Variants in BCAS3 observed in about 807,000 individuals in gnomAD.
BCAS3 encodes the protein BCAS4/BCAS3 fusion.
Under a neutral mutation model 116.1 loss-of-function variants are expected in BCAS3, and 53 were observed. The observed-to-expected ratio is 0.46, with a 90% CI of 0.37 to 0.57. The LOEUF (loss-of-function observed/expected upper bound fraction) is 0.57. BCAS3 is among the 20% of genes least tolerant of loss of function. The pLI is 0.00. For missense variants in BCAS3, 917 were observed against 1,165.4 expected, an observed-to-expected ratio of 0.79 and a Z score of 3.10; for synonymous variants, 391 against 408.2, an observed-to-expected ratio of 0.96 and a Z score of 0.51.
At chr17:61,057,005 G>A (rs545196090) in intron 19 of BCAS3, among the ~76,000 whole-genome samples, 18 of 152,166 alleles carry the variant, frequency 1.2e-4, no homozygotes, top group Non-Finnish European at 2.6e-4. Context: ...ATTAGGAGAA[G>A]GAGGGAAATC....
At chr17:61,060,711 T>C (rs1200211369) in intron 19 of BCAS3, among the ~76,000 whole-genome samples, 1 of 152,244 alleles carries the variant, frequency 6.6e-6, no homozygotes, top group Non-Finnish European at 1.5e-5. Context: ...CAGTTAGTTG[T>C]ATAAGGAATC....
At position 60,942,950 on chromosome 17, in the gene BCAS3, T is replaced by C. The variant is rs764632088; in HGVS notation, c.1088-4269T>C. Among the ~76,000 whole-genome samples the C allele has an allele frequency of 2.6e-5, 4 of 152,160 alleles. No homozygotes were observed. In the South Asian group the frequency reaches 8.3e-4, roughly 32 times the overall value. On this transcript the variant is annotated intron_variant, in intron 13 of 23. Coordinates refer to ENST00000407086, the MANE Select transcript of BCAS3 (RefSeq NM_017679.5). ...CACATAAAGTTAGATATGTGTATTA[T>C]AATCTCTGGAACAACCAGTAAAATT...
intron 22 of BCAS3, among the ~76,000 whole-genome samples, chr17:61,237,519 A>G (rs1718105535): frequency 6.6e-6 from 1 of 152,172 alleles, no homozygotes; most frequent in Non-Finnish European, 1.5e-5. Context: ...TCTTCACAAT[A>G]AATCTTGTGG....
chr17:60,909,974 A>G (rs2058400546), intron 11 of BCAS3, among the ~76,000 whole-genome samples: 1 of 152,190 alleles, frequency 6.6e-6, no homozygotes, highest in African/African-American at 2.4e-5. Flanking sequence ...AATATCTTGG[A>G]CAGAGATTGT....
At chr17:61,054,226 A>T (rs373713736) in intron 19 of BCAS3, among the ~76,000 whole-genome samples, 4 of 152,234 alleles carry the variant, frequency 2.6e-5, no homozygotes, top group African/African-American at 7.2e-5. Context: ...ATGTTTCAAC[A>T]TTAAAAGTTC....
intron 16 of BCAS3, among the ~76,000 whole-genome samples, chr17:61,016,300 CT>C: frequency 6.6e-6 from 1 of 152,230 alleles, no homozygotes; most frequent in East Asian, 1.9e-4. Context: ...TGACAACCAT[CT>C]TTTTAGTACT....
rs2075845556 is a variant in BCAS3, at chr17:61,122,704, T to C, written c.2425+38140T>C. On this transcript the variant is annotated intron_variant, in intron 22 of 23. Transcript: ENST00000407086. The surrounding 1 kb of genome is among the most constrained non-coding windows in gnomAD (Gnocchi z 4.6). ...TTCCTTAAACTCACATGCTGAATTT[T>C]CCCACATAGACAAAAAACAAAACAA... is the stretch of plus-strand genomic sequence containing the variant. Among the ~76,000 whole-genome samples the C allele has an allele frequency of 6.6e-6, 1 of 152,100 alleles. No homozygotes were observed. The highest frequency in any genetic ancestry group is 1.5e-5 in the Non-Finnish European group (1 of 68,016).
At chr17:60,706,354 G>A (rs1032179269) in intron 4 of BCAS3, among the ~76,000 whole-genome samples, 1 of 151,994 alleles carries the variant, frequency 6.6e-6, no homozygotes, top group Admixed American at 6.6e-5. Context: ...CTGAGCTACC[G>A]CACCCAGCAG....
chr17:61,388,624 A>G lies in BCAS3; in HGVS notation c.2594-3353A>G. ...ATGCTTTTCTTTTCAAAAGGGAAAA[A>G]AAAAGGAAAAAAAAAACAATGCCAA... On this transcript the variant is annotated intron_variant, in intron 23 of 23. Transcript: ENST00000407086. The surrounding 1 kb of genome is among the most constrained non-coding windows in gnomAD (Gnocchi z 6.5). 1 of 1,534,214 alleles carries G rather than the reference A, an allele frequency of 6.5e-7. No homozygotes were observed. The highest frequency in any genetic ancestry group is 8.7e-7 in the Non-Finnish European group (1 of 1,147,468).
In BCAS3 at chr17:61,308,223, G is replaced by T. The variant is rs2053997255; in HGVS notation, c.2426-60104G>T. On this transcript the variant is annotated intron_variant, in intron 22 of 23. Transcript: ENST00000407086. ...GCAAATATTTCTACCCAAGCCTTCAGCTAGTTTACAGCATTTCATTTTACA... is the reference window on the plus strand; with the variant it reads ...GCAAATATTTCTACCCAAGCCTTCATCTAGTTTACAGCATTTCATTTTACA... Among the ~76,000 whole-genome samples, 2 of 152,138 alleles carry T rather than the reference G, an allele frequency of 1.3e-5. 1 individual carries two copies. The highest frequency in any genetic ancestry group is 4.2e-4 in the South Asian group (2 of 4,818).
rs1216152626 is a variant in BCAS3 at position 61,233,083 on chromosome 17, C to T, written c.2426-135244C>T. Among the ~76,000 whole-genome samples, 3 of 152,098 alleles carry T rather than the reference C, an allele frequency of 2.0e-5. No homozygotes were observed. Among genetic ancestry groups the T allele is most frequent in the African/African-American group, 7.2e-5 (3 of 41,408 alleles). ...GCTCTCTTGGGACTAACCTGTGTGA[C>T]TAATTTGAGTAGGAGGGTGATAAAC... On this transcript the variant is annotated intron_variant, in intron 22 of 23. Coordinates refer to ENST00000407086, the MANE Select transcript of BCAS3 (RefSeq NM_017679.5). This position sits in a 1 kb window ranked among gnomAD's most constrained non-coding sequence, Gnocchi z 4.3.
intron 22 of BCAS3, among the ~76,000 whole-genome samples, chr17:61,336,926 A>G (rs2056767415): frequency 6.6e-6 from 1 of 152,118 alleles, no homozygotes; most frequent in Admixed American, 6.5e-5. Flanking sequence ...CAGCCTGGCC[A>G]ACATGGTGAA....
chr17:61,098,187 T>C lies in BCAS3; in HGVS notation c.2425+13623T>C, dbSNP rs2074098928. ...AGGTAATCAATATGGTCTAGAGTTC[T>C]TGACCTGAACCTGTAATTACTTGGA... On this transcript the variant is annotated intron_variant, in intron 22 of 23. Transcript: ENST00000407086. The surrounding 1 kb of genome is among the most constrained non-coding windows in gnomAD (Gnocchi z 4.2). Among the ~76,000 whole-genome samples, 1 of 152,224 alleles carries C rather than the reference T, an allele frequency of 6.6e-6. No homozygotes were observed. Among genetic ancestry groups the C allele is most frequent in the African/African-American group, 2.4e-5 (1 of 41,464 alleles).
intron 22 of BCAS3, among the ~76,000 whole-genome samples, chr17:61,268,086 A>G (rs1384339336): frequency 1.3e-5 from 2 of 152,222 alleles, no homozygotes; most frequent in Non-Finnish European, 2.9e-5. Context: ...AAGACACAGT[A>G]TCCTTAGTCA....
intron 22 of BCAS3, among the ~76,000 whole-genome samples, chr17:61,166,269 T>C (rs576300921): frequency 6.6e-6 from 1 of 152,294 alleles, no homozygotes; most frequent in Non-Finnish European, 1.5e-5. Flanking sequence ...CCCTCCAAAC[T>C]ACTTACTAGT....
intron 22 of BCAS3, among the ~76,000 whole-genome samples, chr17:61,165,808 G>A (rs539713289): frequency 3.2e-4 from 49 of 151,982 alleles, no homozygotes; most frequent in African/African-American, 8.2e-4. Context: ...AATTTCTAGC[G>A]GACTCTTCAC....
At chr17:60,777,492 G>C (rs1390988467) in intron 6 of BCAS3, among the ~76,000 whole-genome samples, 2 of 152,000 alleles carry the variant, frequency 1.3e-5, no homozygotes, top group African/African-American at 2.4e-5. Flanking sequence ...CGGGTGTGGT[G>C]GTGGGCGCCT....
At chr17:60,790,533 T>C (rs1365477293) in intron 6 of BCAS3, among the ~76,000 whole-genome samples, 2 of 152,146 alleles carry the variant, frequency 1.3e-5, no homozygotes, top group African/African-American at 4.8e-5. Flanking sequence ...GGATCAAAAG[T>C]AATATTGTTA....
At position 61,329,589 on chromosome 17, in the gene BCAS3, C is replaced by T. The variant is rs561786112; in HGVS notation, c.2426-38738C>T. Among the ~76,000 whole-genome samples the T allele has an allele frequency of 1.4e-4, 21 of 152,220 alleles. No individual in the cohort carries two copies. In the East Asian group the frequency reaches 4.1e-3, roughly 30 times the overall value. On this transcript the variant is annotated intron_variant, in intron 22 of 23. Coordinates refer to ENST00000407086, the MANE Select transcript of BCAS3 (RefSeq NM_017679.5). ...ATCTCCTGATCTTGTGATCCACCGG[C>T]CTCGGCCTCCCAAAGTGCTGGGATT... is the stretch of plus-strand genomic sequence containing the variant.
Sources: allele counts gnomAD v4.1 joint callset (sites outside exome capture counted in the v4.1 genomes callset), GRCh38; gene constraint gnomAD v4.1.1; non-coding constraint Gnocchi (gnomAD v3.1); transcripts MANE v1.5; gene names NCBI Gene and HGNC (gene_info 2026-07-23, HGNC 2026-07-21).